The following SPATA3 variants were observed in gnomAD, a reference collection of about 807,000 sequenced individuals.
The protein encoded by SPATA3 is spermatogenesis associated 3.
In SPATA3, 6 loss-of-function variants were observed where a neutral mutation model predicts 5.7. The ratio of observed to expected loss-of-function variants is 1.06; its 90% CI spans 0.58 to 2.09. The LOEUF (loss-of-function observed/expected upper bound fraction) is 2.09. SPATA3 is among the 30% of genes most tolerant of loss of function. The probability of loss-of-function intolerance (pLI) is 0.00; values close to 1 mark genes in which losing one functional copy is unlikely to be tolerated. For synonymous variants in SPATA3, 44 were observed against 48.4 expected (o/e 0.91, Z 0.37); for missense variants, 155 against 130.4 (o/e 1.19, Z -0.92).
intron 1 of SPATA3, among the ~76,000 whole-genome samples, chr2:231,000,079 G>A (rs527606222): frequency 6.6e-6 from 1 of 152,278 alleles, no homozygotes; most frequent in Non-Finnish European, 1.5e-5. Flanking sequence ...CATCGTTGTT[G>A]TCGTCGCTGT....
rs533077057 is a variant in SPATA3 at position 230,996,426 on chromosome 2, C to T, written c.791-3940C>T. ...GCATTCCAGCCTTGAAACCACCTCC[C>T]GGCAGCCAGCATTCCAAGCCCTTCC... is the stretch of plus-strand genomic sequence containing the variant. On this transcript the variant is annotated intron_variant, in intron 1 of 2. Coordinates refer to ENST00000645363, the Ensembl canonical transcript of SPATA3. 90 of 1,552,304 alleles carry T rather than the reference C, an allele frequency of 5.8e-5. No homozygotes were observed. The East Asian group carries it at 8.6e-4, about 15-fold the overall frequency.
At chr2:231,019,116 G>A (rs571235088) in intron 6 of SPATA3, among the ~76,000 whole-genome samples, 98 of 140,600 alleles carry the variant, frequency 7.0e-4, no homozygotes, top group South Asian at 4.7e-3. Flanking sequence ...ACAGGCGCCC[G>A]CCACAACGCT....
At chr2:231,014,935 AAAG>A (rs1692889428) in intron 6 of SPATA3, among the ~76,000 whole-genome samples, 1 of 152,198 alleles carries the variant, frequency 6.6e-6, no homozygotes, top group Non-Finnish European at 1.5e-5. Flanking sequence ...TCTTCAGAGC[AAAG>A]ATGATCCAGG....
intron 2 of SPATA3, among the ~76,000 whole-genome samples, chr2:231,001,161 T>A (rs1692339587): frequency 6.6e-6 from 1 of 152,138 alleles, no homozygotes; most frequent in Non-Finnish European, 1.5e-5. Context: ...CTGTCCTTCC[T>A]TCCTCTTCCC....
At chr2:230,997,286 ACT>A (rs1692162992) in intron 1 of SPATA3, among the ~76,000 whole-genome samples, 2 of 151,546 alleles carry the variant, frequency 1.3e-5, no homozygotes, top group African/African-American at 4.9e-5. Flanking sequence ...CCCTGCACAA[ACT>A]CTCTTCTCTT....
chr2:231,016,103 T>C (rs951687551), intron 6 of SPATA3, among the ~76,000 whole-genome samples: 1 of 151,902 alleles, frequency 6.6e-6, no homozygotes, highest in Non-Finnish European at 1.5e-5. Context: ...TTTCATTCAG[T>C]GCTAGCTTAG....
rs538317166 is a variant in SPATA3 at position 231,019,251 on chromosome 2, G to A, written c.*566-469G>A. On this transcript the variant is annotated intron_variant, in intron 6 of 8. Transcript: ENST00000452881. The stretch of plus-strand genomic sequence containing the variant: ...CCCAAAGTGCCGGGATTACAGGAGT[G>A]AGCCACCGTGCCAGGCCTCGATTTT... 2.5e-3 allele frequency among the ~76,000 whole-genome samples: 374 copies of A among 147,066 alleles called. 7 individuals are homozygous for A. The highest frequency in any genetic ancestry group is 8.7e-3 in the African/African-American group (343 of 39,464).
intron 6 of SPATA3, among the ~76,000 whole-genome samples, chr2:231,014,731 G>A (rs1015088340): frequency 5.9e-5 from 9 of 152,120 alleles, no homozygotes; most frequent in African/African-American, 2.2e-4. Flanking sequence ...GGGAGCACTG[G>A]GAGGACTGTG....
chr2:230,996,590 T>A (rs1692132368), intron 1 of SPATA3, 56 bp downstream of exon 1: 1 of 1,529,596 alleles, frequency 6.5e-7, no homozygotes, highest in Non-Finnish European at 8.8e-7. Flanking sequence ...GAGTTCTGGG[T>A]CATCCCAAAG....
chr2:230,996,596 C>T (rs1005841601), intron 1 of SPATA3, 62 bp downstream of exon 1: 4 of 1,520,214 alleles, frequency 2.6e-6, no homozygotes, highest in African/African-American at 2.8e-5. Flanking sequence ...TGGGTCATCC[C>T]AAAGGCTGGT....
At chr2:231,001,996 G>A (rs1326452553) in intron 2 of SPATA3, among the ~76,000 whole-genome samples, 1 of 152,200 alleles carries the variant, frequency 6.6e-6, no homozygotes, top group African/African-American at 2.4e-5. Flanking sequence ...AGCAATCTGG[G>A]TGCAGGAAAA....
intron 6 of SPATA3, among the ~76,000 whole-genome samples, chr2:231,019,279 T>C (rs1389485424): frequency 6.6e-6 from 1 of 151,134 alleles, no homozygotes; most frequent in East Asian, 1.9e-4. Flanking sequence ...TCGATTTTTC[T>C]TTTTTTAACT....
chr2:231,010,995 C>A (rs1692767023), downstream of SPATA3, among the ~76,000 whole-genome samples: 1 of 141,292 alleles, frequency 7.1e-6, no homozygotes, highest in Admixed American at 7.9e-5. Flanking sequence ...GTCACTTGAG[C>A]CTGGGAGGTC....
intron 6 of SPATA3, among the ~76,000 whole-genome samples, chr2:231,016,201 C>G (rs778126238): frequency 6.6e-6 from 1 of 152,162 alleles, no homozygotes; most frequent in Non-Finnish European, 1.5e-5. Flanking sequence ...GCCAGACAAG[C>G]CTCTAAATGA....
chr2:230,998,270 A>G (rs1201315435), intron 1 of SPATA3, among the ~76,000 whole-genome samples: 2 of 152,242 alleles, frequency 1.3e-5, no homozygotes, highest in Non-Finnish European at 2.9e-5. Flanking sequence ...TGATCCTTCC[A>G]TGGCCAGGAA....
chr2:231,003,023 C>T (rs1559196111), downstream of SPATA3, among the ~76,000 whole-genome samples: 1 of 152,144 alleles, frequency 6.6e-6, no homozygotes, highest in African/African-American at 2.4e-5. Flanking sequence ...AGAGCCCCCA[C>T]CTCCTCTGCC....
intron 1 of SPATA3, among the ~76,000 whole-genome samples, chr2:230,999,212 T>C (rs2175148): frequency 0.42 from 64,127 of 151,912 alleles, 13,720 homozygotes; most frequent in South Asian, 0.51. Flanking sequence ...TAGGCAAATG[T>C]ATTGCCAGGG....
chr2:231,004,167 A>T (rs1301952497), downstream of SPATA3: 1 of 152,190 alleles, frequency 6.6e-6, no homozygotes, highest in Non-Finnish European at 1.5e-5. Context: ...CTGTGATACC[A>T]TGTCCCATGT....
intron 1 of SPATA3, 137 bp from the exon 2 acceptor site, chr2:231,000,229 A>T: frequency 1.3e-6 from 1 of 790,992 alleles, no homozygotes; most frequent in Non-Finnish European, 1.9e-6. Context: ...GATGCCTTGG[A>T]AAAAATCCAG....
Sources: gnomAD v4.1 joint callset for allele counts (sites outside exome capture counted in the v4.1 genomes callset) on GRCh38, gnomAD v4.1.1 for gene constraint, MANE v1.5 for transcripts, NCBI Gene and HGNC (gene_info 2026-07-23, HGNC 2026-07-21) for gene names.